Variants in TBXAS1 observed in about 807,000 individuals in gnomAD.
TBXAS1 encodes thromboxane-A synthase.
Under a neutral mutation model 60.7 loss-of-function variants are expected in TBXAS1, and 48 were observed. The observed-to-expected ratio is 0.79, with a 90% CI of 0.63 to 1.01. The LOEUF (loss-of-function observed/expected upper bound fraction) is 1.01. TBXAS1 is among the 50% of genes least tolerant of loss of function. The pLI is 0.00. For synonymous variants in TBXAS1, 287 were observed against 269.7 expected, an observed-to-expected ratio of 1.06 and a Z score of -0.63; for missense variants, 685 against 686.3, an observed-to-expected ratio of 1.00 and a Z score of 0.02.
intron 1 of TBXAS1, among the ~76,000 whole-genome samples, chr7:139,840,267 T>C (rs1799347697): frequency 6.6e-6 from 1 of 152,154 alleles, no homozygotes; most frequent in South Asian, 2.1e-4. Flanking sequence ...ATGAGAAATC[T>C]GAAGAGGAAG....
At chr7:139,900,306 G>C (rs937808709) in intron 3 of TBXAS1, among the ~76,000 whole-genome samples, 1 of 152,190 alleles carries the variant, frequency 6.6e-6, no homozygotes, top group Non-Finnish European at 1.5e-5. Context: ...GGCCCAGAGA[G>C]TTTCAGAAAT....
At chr7:139,821,768 G>A (rs189571336) in intron 4 of TBXAS1, among the ~76,000 whole-genome samples, 268 of 152,304 alleles carry the variant, frequency 1.8e-3, no homozygotes, top group African/African-American at 6.1e-3. Context: ...AGAGGGAGGG[G>A]GACGTCAGAA....
chr7:139,969,079 A>T (rs1245876768), intron 9 of TBXAS1, among the ~76,000 whole-genome samples: 1 of 152,100 alleles, frequency 6.6e-6, no homozygotes, highest in Non-Finnish European at 1.5e-5. Flanking sequence ...TTGGTGCTGG[A>T]CTCTGCCAGC....
intron 8 of TBXAS1, among the ~76,000 whole-genome samples, chr7:139,960,395 G>A (rs1223494586): frequency 1.3e-5 from 2 of 152,156 alleles, no homozygotes; most frequent in East Asian, 1.9e-4. Flanking sequence ...AACTAGGCAC[G>A]GTGTCAGGGG....
rs185467402 is a variant in TBXAS1 at position 139,957,535 on chromosome 7, C to T, written c.689-99C>T. The T allele has an allele frequency of 1.1e-4, 176 of 1,566,386 alleles. 1 individual carries two copies. The East Asian group carries it at 3.5e-3, about 31-fold the overall frequency. ...GGAGGGCAGGACTCCAAAACGGCTCCGATTCCAGGCCCGCGTTTGCTTCCC... is the reference window on the plus strand; with the variant it reads ...GGAGGGCAGGACTCCAAAACGGCTCTGATTCCAGGCCCGCGTTTGCTTCCC... On this transcript the variant is annotated intron_variant, in intron 7 of 12. Coordinates refer to ENST00000448866, the MANE Select transcript of TBXAS1 (RefSeq NM_001061.7).
At chr7:139,991,927 G>T (rs560065378) in intron 9 of TBXAS1, among the ~76,000 whole-genome samples, 3 of 152,330 alleles carry the variant, frequency 2.0e-5, no homozygotes, top group Admixed American at 2.0e-4. Flanking sequence ...AGAGCTCGAG[G>T]GGAGACCCTT....
chr7:139,988,865 C>T (rs764294930), intron 9 of TBXAS1, among the ~76,000 whole-genome samples: 65 of 152,158 alleles, frequency 4.3e-4, no homozygotes, highest in Non-Finnish European at 8.2e-4. Context: ...TCCCGTGTGG[C>T]GGGAGCAGGA....
chr7:139,829,161 A>G, upstream of TBXAS1: 1 of 660,706 alleles, frequency 1.5e-6, no homozygotes, highest in Non-Finnish European at 2.8e-6. Context: ...TCAAGGAATA[A>G]AGTTGCTGAT....
At chr7:139,991,436 C>G (rs1166587116) in intron 9 of TBXAS1, among the ~76,000 whole-genome samples, 2 of 152,032 alleles carry the variant, frequency 1.3e-5, no homozygotes, top group Non-Finnish European at 2.9e-5. Context: ...CCACCCCACC[C>G]CAGAACAATG....
chr7:139,833,539 G>C (rs1798853512), intron 1 of TBXAS1, among the ~76,000 whole-genome samples: 1 of 144,996 alleles, frequency 6.9e-6, no homozygotes, highest in African/African-American at 2.5e-5. Context: ...AAAAAAATTA[G>C]AGGGGTGTGG....
rs1235669674 is a variant in TBXAS1 at position 139,999,220 on chromosome 7, C to T, written c.1135-7871C>T. Among the ~76,000 whole-genome samples, 6 of 152,340 alleles carry T rather than the reference C, an allele frequency of 3.9e-5. No homozygotes were observed. In the East Asian group the frequency reaches 7.7e-4, roughly 20 times the overall value. ...TCAGAGAACCTCAGCTCCCTCCCAA[C>T]CTTGCCATAAGAACTCAGGGCTGGC... On this transcript the variant is annotated intron_variant, in intron 9 of 12. Coordinates refer to ENST00000448866, the MANE Select transcript of TBXAS1 (RefSeq NM_001061.7). This position sits in a 1 kb window ranked among gnomAD's most constrained non-coding sequence, Gnocchi z 4.3.
chr7:140,009,387 C>A (rs1373731119), intron 10 of TBXAS1, among the ~76,000 whole-genome samples: 1 of 152,180 alleles, frequency 6.6e-6, no homozygotes. Flanking sequence ...CACACACCTG[C>A]TTGGCTGGCC....
chr7:139,911,703 C>T (rs1032862607), intron 4 of TBXAS1, among the ~76,000 whole-genome samples: 1 of 152,152 alleles, frequency 6.6e-6, no homozygotes, highest in Admixed American at 6.5e-5. Context: ...GAGGTTCTTG[C>T]ACTTACATCT....
rs1424096751 is a variant in TBXAS1 at position 139,999,088 on chromosome 7, CCT to C, written c.1135-7999_1135-7998del. On this transcript the variant is annotated intron_variant, in intron 9 of 12. Transcript: ENST00000448866. The surrounding 1 kb of genome is among the most constrained non-coding windows in gnomAD (Gnocchi z 4.3). ...ATGTGGATGGAAAGATTTATCACCCCCTCTCATAACCAAACCTCCATCGTATC... is the reference window on the plus strand; with the variant it reads ...ATGTGGATGGAAAGATTTATCACCCCCTCATAACCAAACCTCCATCGTATC... Among the ~76,000 whole-genome samples, 1 of 152,192 alleles carries C rather than the reference CCT, an allele frequency of 6.6e-6. No individual in the cohort carries two copies. Among genetic ancestry groups the C allele is most frequent in the African/African-American group, 2.4e-5 (1 of 41,434 alleles).
In TBXAS1 at chr7:139,941,472, A is replaced by G. The variant is rs142584629; in HGVS notation, c.450+5165A>G. Among the ~76,000 whole-genome samples the G allele has an allele frequency of 6.0e-4, 91 of 152,140 alleles. 1 individual carries two copies. The East Asian group carries it at 0.016, about 27-fold the overall frequency. ...GCCTATGTCATACCAGGGATAATAT[A>G]GAGCAACAGAGAACCAGGGAAAATG... On this transcript the variant is annotated intron_variant, in intron 5 of 12. Transcript: ENST00000448866.
chr7:139,904,817 A>AT (rs548868931), intron 3 of TBXAS1, among the ~76,000 whole-genome samples: 116 of 152,062 alleles, frequency 7.6e-4, no homozygotes, highest in Non-Finnish European at 1.3e-3. Flanking sequence ...ACTTTGCTGA[A>AT]TTTTTTTTAT....
intron 4 of TBXAS1, among the ~76,000 whole-genome samples, chr7:139,823,092 T>C (rs993176712): frequency 6.6e-6 from 1 of 151,608 alleles, no homozygotes; most frequent in African/African-American, 2.4e-5. Context: ...AGCACATCTA[T>C]CCTACTCTCT....
intron 3 of TBXAS1, among the ~76,000 whole-genome samples, chr7:139,901,912 A>G (rs576165806): frequency 6.6e-6 from 1 of 152,070 alleles, no homozygotes; most frequent in South Asian, 2.1e-4. Flanking sequence ...AGAGTTTATT[A>G]AGCTCCCCAG....
chr7:139,833,164 AT>A (rs1798821261), intron 1 of TBXAS1, among the ~76,000 whole-genome samples: 1 of 152,266 alleles, frequency 6.6e-6, no homozygotes, highest in African/African-American at 2.4e-5. Flanking sequence ...CTGAATGTAA[AT>A]GGCCTAAATG....
Sources: gnomAD v4.1 joint callset for allele counts (sites outside exome capture counted in the v4.1 genomes callset) on GRCh38, gnomAD v4.1.1 for gene constraint, Gnocchi (gnomAD v3.1) non-coding constraint, MANE v1.5 for transcripts, NCBI Gene and HGNC (gene_info 2026-07-23, HGNC 2026-07-21) for gene names.